NTRK3: variants seen among roughly 807,000 people sequenced by gnomAD.
NTRK3 encodes the protein neurotrophic receptor tyrosine kinase 3.
A neutral mutation model predicts 91.7 loss-of-function variants in NTRK3; 24 were observed. The observed-to-expected ratio is 0.26, with a 90% CI of 0.19 to 0.37. NTRK3 has a LOEUF of 0.37. Among genes scored for constraint, NTRK3 ranks in the 10% least tolerant of loss-of-function variants. NTRK3 has a pLI of 1.00. For missense variants in NTRK3, 880 were observed against 1,068.9 expected (o/e 0.82, Z 2.46); for synonymous variants, 483 against 404.0 (o/e 1.20, Z -2.34).
intron 14 of NTRK3, among the ~76,000 whole-genome samples, chr15:88,026,944 G>A (rs908804127): frequency 3.3e-5 from 5 of 152,138 alleles, no homozygotes; most frequent in Admixed American, 1.3e-4. Context: ...ACCCAGGTTG[G>A]CCCAGCCTCA....
intron 17 of NTRK3, among the ~76,000 whole-genome samples, chr15:87,914,611 C>A (rs1309091292): frequency 2.0e-5 from 3 of 152,142 alleles, no homozygotes; most frequent in Non-Finnish European, 2.9e-5. Context: ...TGGGTGAGCT[C>A]CTTTGCCTTC....
At chr15:88,256,647 G>T (rs1479140984) in exon 1 of NTRK3, 3 of 410,984 alleles carry the variant, frequency 7.3e-6, no homozygotes, top group Non-Finnish European at 1.3e-5. Context: ...CACACACCCG[G>T]AGCCCGAGGA....
intron 13 of NTRK3, among the ~76,000 whole-genome samples, chr15:88,110,366 G>A (rs748486250): frequency 6.6e-6 from 1 of 152,162 alleles, no homozygotes; most frequent in Non-Finnish European, 1.5e-5. Flanking sequence ...AAGAGCTGTT[G>A]GATGGAGGAG....
exon 19 of NTRK3, chr15:87,867,034 T>C (rs923343225): frequency 2.7e-5 from 6 of 221,734 alleles, no homozygotes; most frequent in Admixed American, 1.1e-4. Flanking sequence ...GAAAACGTGT[T>C]TGGAGAAAGG....
At chr15:88,253,360 T>A (rs943467455) in intron 3 of NTRK3, 1 of 152,254 alleles carries the variant, frequency 6.6e-6, no homozygotes, top group Admixed American at 6.5e-5. Flanking sequence ...CTGCTCCATA[T>A]GCAGCCCCAC....
At chr15:88,231,937 A>G (rs1156406866) in intron 3 of NTRK3, among the ~76,000 whole-genome samples, 4 of 152,068 alleles carry the variant, frequency 2.6e-5, no homozygotes, top group African/African-American at 9.7e-5. Flanking sequence ...TTTTTGAGCC[A>G]TTTGAACTTT....
Position 88,140,025 on chromosome 15 carries a change from A to G in NTRK3, c.465-2464T>C, listed in dbSNP as rs1004467584. Among the ~76,000 whole-genome samples the G allele has an allele frequency of 2.0e-5, 3 of 152,228 alleles. No homozygotes were observed. In the East Asian group the frequency reaches 5.8e-4, roughly 29 times the overall value. ...ACAGAAAAGAAAGGCTTAGCAGGACAGAAAATGTGTCAAGGAGTGCTGGGA... is the reference window on the plus strand; with the variant it reads ...ACAGAAAAGAAAGGCTTAGCAGGACGGAAAATGTGTCAAGGAGTGCTGGGA... On this transcript the variant is annotated intron_variant, in intron 6 of 18. Transcript: ENST00000394480.
At chr15:87,888,711 A>T (rs975679341) in intron 17 of NTRK3, among the ~76,000 whole-genome samples, 7 of 152,240 alleles carry the variant, frequency 4.6e-5, no homozygotes, top group African/African-American at 1.7e-4. Flanking sequence ...ACAACATTTT[A>T]AAAAATTATA....
intron 13 of NTRK3, among the ~76,000 whole-genome samples, chr15:88,087,485 A>C (rs552864057): frequency 1.3e-5 from 2 of 152,324 alleles, no homozygotes; most frequent in South Asian, 4.1e-4. Flanking sequence ...GTCCTTAGCC[A>C]CAGAAAGCAC....
chr15:88,256,652 C>A, exon 1 of NTRK3: 1 of 406,116 alleles, frequency 2.5e-6, no homozygotes. Context: ...ACCCGGAGCC[C>A]GAGGAAAGGA....
At chr15:87,964,677 T>C (rs569642951) in intron 14 of NTRK3, among the ~76,000 whole-genome samples, 1 of 152,276 alleles carries the variant, frequency 6.6e-6, no homozygotes, top group African/African-American at 2.4e-5. Flanking sequence ...AGGCAGCCAC[T>C]AATATAATTT....
At chr15:87,997,331 G>A (rs532241874) in intron 14 of NTRK3, among the ~76,000 whole-genome samples, 1 of 152,296 alleles carries the variant, frequency 6.6e-6, no homozygotes, top group South Asian at 2.1e-4. Flanking sequence ...AGAAGAGAGA[G>A]AAGGCGATGA....
At chr15:87,969,786 G>T (rs1404742072) in intron 14 of NTRK3, among the ~76,000 whole-genome samples, 1 of 152,128 alleles carries the variant, frequency 6.6e-6, no homozygotes, top group Non-Finnish European at 1.5e-5. Flanking sequence ...AGGCAGAGCT[G>T]CCTTCTTGAG....
chr15:88,148,795 G>C (rs1177038640), intron 5 of NTRK3, among the ~76,000 whole-genome samples: 1 of 152,166 alleles, frequency 6.6e-6, no homozygotes, highest in Non-Finnish European at 1.5e-5. Flanking sequence ...CTAGGAAGCT[G>C]CTACAGTCTT....
intron 14 of NTRK3, among the ~76,000 whole-genome samples, chr15:87,941,540 C>G (rs1352679761): frequency 2.0e-5 from 3 of 151,948 alleles, no homozygotes; most frequent in African/African-American, 7.3e-5. Context: ...CTGTAGTGAC[C>G]CCATCACAGT....
intron 3 of NTRK3, among the ~76,000 whole-genome samples, chr15:88,190,715 C>T (rs575162096): frequency 5.9e-5 from 9 of 152,242 alleles, no homozygotes; most frequent in South Asian, 2.1e-4. Context: ...GGAGATGACA[C>T]GCTAGCACCG....
At chr15:87,975,527 G>A (rs1460254536) in intron 14 of NTRK3, among the ~76,000 whole-genome samples, 3 of 152,200 alleles carry the variant, frequency 2.0e-5, no homozygotes, top group African/African-American at 7.2e-5. Context: ...AGGACTGGCT[G>A]GTTCCCTGAG....
rs148081030 is a variant in NTRK3, at chr15:87,896,340, G to A, written c.2134-15912C>T. 4.9e-3 allele frequency among the ~76,000 whole-genome samples: 741 copies of A among 151,998 alleles called. 11 individuals are homozygous for A. Among genetic ancestry groups the A allele is most frequent in the East Asian group, 7.6e-3 (39 of 5,160 alleles). On this transcript the variant is annotated intron_variant, in intron 17 of 18. Coordinates refer to ENST00000394480, the Ensembl canonical transcript of NTRK3. ...ACAAAAATTAGCTGGGCGTGGTGGC[G>A]CACACCTGTAGTCCCAACTACTCAG...
chr15:87,900,276 G>C (rs537116471), intron 17 of NTRK3, among the ~76,000 whole-genome samples: 2 of 152,282 alleles, frequency 1.3e-5, no homozygotes, highest in South Asian at 4.2e-4. Flanking sequence ...GCCTTTCCCT[G>C]GGAAATGCCA....
Sources: gnomAD v4.1 joint callset for allele counts (sites outside exome capture counted in the v4.1 genomes callset) on GRCh38, gnomAD v4.1.1 for gene constraint, MANE v1.5 for transcripts, NCBI Gene and HGNC (gene_info 2026-07-23, HGNC 2026-07-21) for gene names.